Variants in WWOX observed in about 807,000 individuals in gnomAD.
WWOX encodes WW domain-containing oxidoreductase.
WWOX carries 69 observed loss-of-function variants against 46.2 expected under a neutral mutation model. That is an observed-to-expected ratio of 1.49 (90% CI 1.23 to 1.82). WWOX has a LOEUF of 1.82. Among genes scored for constraint, WWOX ranks in the 40% most tolerant of loss-of-function variants. WWOX has a pLI of 0.00. For missense variants in WWOX, 919 were observed against 542.6 expected, an observed-to-expected ratio of 1.69 and a Z score of -6.89; for synonymous variants, 359 against 202.6, an observed-to-expected ratio of 1.77 and a Z score of -6.56.
Position 78,985,329 on chromosome 16 carries a change from G to A in WWOX, c.1057-226279G>A, listed in dbSNP as rs550154667. On this transcript the variant is annotated intron_variant, in intron 8 of 8. Transcript: ENST00000566780. ...GTTCAGCCCGTAAATCTGTGCCACC[G>A]GCACGCAGGGTGTTGTGTTGTCTCC... 5.3e-5 allele frequency among the ~76,000 whole-genome samples: 8 copies of A among 152,304 alleles called. No homozygotes were observed. The South Asian group carries it at 1.2e-3, about 24-fold the overall frequency.
intron 8 of WWOX, among the ~76,000 whole-genome samples, chr16:78,874,684 C>CTTTTTTTTTT (rs552696627): frequency 2.0e-4 from 17 of 83,478 alleles, no homozygotes; most frequent in South Asian, 5.0e-4. Context: ...AGATTTTTTT[C>CTTTTTTTTTT]TTTTTTTTTT....
Position 79,205,367 on chromosome 16 carries a change from G to A in WWOX, c.1057-6241G>A, listed in dbSNP as rs185907760. ...GGGAGAGGCAACTGAAAAGGAGCCT[G>A]AGGTTTTTCTACCTTTGTGAACCTG... On this transcript the variant is annotated intron_variant, in intron 8 of 8. Coordinates refer to ENST00000566780, the MANE Select transcript of WWOX (RefSeq NM_016373.4). 124 of 152,344 alleles carry A rather than the reference G, an allele frequency of 8.1e-4. 1 individual carries two copies. Among genetic ancestry groups the A allele is most frequent in the African/African-American group, 2.9e-3 (121 of 41,576 alleles). 9.4% of individuals were successfully genotyped at this position (152,344 alleles called of 1,614,324 possible).
chr16:78,469,541 A>T (rs1353759503), intron 8 of WWOX, among the ~76,000 whole-genome samples: 1 of 152,182 alleles, frequency 6.6e-6, no homozygotes, highest in Non-Finnish European at 1.5e-5. Context: ...CCCTGGAAGC[A>T]TGTCATGGGG....
At chr16:78,283,333 A>G (rs2079712670) in intron 5 of WWOX, among the ~76,000 whole-genome samples, 1 of 152,106 alleles carries the variant, frequency 6.6e-6, no homozygotes, top group African/African-American at 2.4e-5. Flanking sequence ...CCACACCTCC[A>G]AGTGCAGGTG....
At chr16:78,548,019 G>T (rs1373361478) in intron 8 of WWOX, among the ~76,000 whole-genome samples, 2 of 151,960 alleles carry the variant, frequency 1.3e-5, no homozygotes, top group Admixed American at 1.3e-4. Context: ...GCCGGGTGTG[G>T]TGGTGAATGC....
intron 8 of WWOX, among the ~76,000 whole-genome samples, chr16:78,966,600 G>C (rs140161720): frequency 1.7e-3 from 256 of 151,996 alleles, no homozygotes; most frequent in African/African-American, 5.6e-3. Flanking sequence ...AGTAACATGT[G>C]AATGTTTTGA....
chr16:78,225,874 T>C (rs2037036914), intron 5 of WWOX, among the ~76,000 whole-genome samples: 1 of 152,220 alleles, frequency 6.6e-6, no homozygotes, highest in South Asian at 2.1e-4. Flanking sequence ...TATTCTGTTC[T>C]CTGTTTTTAT....
intron 5 of WWOX, among the ~76,000 whole-genome samples, chr16:78,310,290 C>CT (rs2080214699): frequency 6.6e-6 from 1 of 152,208 alleles, no homozygotes; most frequent in African/African-American, 2.4e-5. Context: ...GAAACGTGTG[C>CT]TTCTGGGCTT....
At chr16:78,861,154 C>G (rs1212849122) in intron 8 of WWOX, among the ~76,000 whole-genome samples, 2 of 152,202 alleles carry the variant, frequency 1.3e-5, no homozygotes, top group African/African-American at 4.8e-5. Flanking sequence ...CCTTTCCTCC[C>G]TCTCTCTCTT....
At chr16:79,075,677 T>G (rs747570235) in intron 8 of WWOX, among the ~76,000 whole-genome samples, 1 of 152,012 alleles carries the variant, frequency 6.6e-6, no homozygotes, top group Admixed American at 6.6e-5. Context: ...CTTAGCCTCC[T>G]GAGTAGCTGG....
intron 8 of WWOX, among the ~76,000 whole-genome samples, chr16:78,779,534 A>C (rs191859504): frequency 9.8e-4 from 150 of 152,312 alleles, no homozygotes; most frequent in African/African-American, 3.5e-3. Flanking sequence ...CACTCTGTCC[A>C]AGGCATTGTG....
At chr16:78,595,945 ACT>A (rs2045479681) in intron 8 of WWOX, among the ~76,000 whole-genome samples, 1 of 152,192 alleles carries the variant, frequency 6.6e-6, no homozygotes, top group Non-Finnish European at 1.5e-5. Context: ...AGAAACCTGA[ACT>A]CAGGAGAGTG....
At chr16:78,355,284 C>T (rs773928747) in intron 5 of WWOX, among the ~76,000 whole-genome samples, 3 of 151,762 alleles carry the variant, frequency 2.0e-5, no homozygotes, top group Non-Finnish European at 2.9e-5. Flanking sequence ...TATACATATA[C>T]GTATATGTAT....
chr16:78,822,986 T>C (rs2051545965), intron 8 of WWOX, among the ~76,000 whole-genome samples: 1 of 152,188 alleles, frequency 6.6e-6, no homozygotes. Context: ...GTTTGTAAAT[T>C]TGTGAATAAA....
chr16:79,212,141 C>G lies in WWOX; in HGVS notation c.*345C>G. The G allele has an allele frequency of 1.3e-6, 2 of 1,520,310 alleles. No individual in the cohort carries two copies. The highest frequency in any genetic ancestry group is 1.8e-6 in the Non-Finnish European group (2 of 1,138,526). 94.2% of individuals were successfully genotyped at this position (1,520,310 alleles called of 1,614,324 possible). On this transcript the variant is annotated 3_prime_UTR_variant, in exon 9 of 9. Transcript: ENST00000566780. The stretch of plus-strand genomic sequence containing the variant: ...CTGTTATAGAATAGCCTGAGGTCCC[C>G]TCGTCCCATCCAGCTACCACCACGG...
chr16:78,474,646 C>G (rs181344223), intron 8 of WWOX, among the ~76,000 whole-genome samples: 2 of 151,592 alleles, frequency 1.3e-5, no homozygotes, highest in East Asian at 1.9e-4. Flanking sequence ...ATGGCTCAGT[C>G]TATTCAGAGT....
At position 78,244,451 on chromosome 16, in the gene WWOX, A is replaced by G. The variant is rs1253149633; in HGVS notation, c.516+80162A>G. On this transcript the variant is annotated intron_variant, in intron 5 of 8. Coordinates refer to ENST00000566780, the MANE Select transcript of WWOX (RefSeq NM_016373.4). ...TGGCAAAAGATCTAAGCTGTGAAGT[A>G]TCTGGAATAGGATTCCACCTTCAGC... Among the ~76,000 whole-genome samples, 5 of 152,244 alleles carry G rather than the reference A, an allele frequency of 3.3e-5. No homozygotes were observed. The East Asian group carries it at 9.6e-4, about 29-fold the overall frequency.
chr16:79,155,267 T>G (rs2050358871), intron 8 of WWOX, among the ~76,000 whole-genome samples: 1 of 152,094 alleles, frequency 6.6e-6, no homozygotes, highest in African/African-American at 2.4e-5. Context: ...TTCCAGCTAC[T>G]CGGGAGGCCG....
At chr16:78,886,301 T>C (rs890651901) in intron 8 of WWOX, among the ~76,000 whole-genome samples, 1 of 151,984 alleles carries the variant, frequency 6.6e-6, no homozygotes, top group Non-Finnish European at 1.5e-5. Context: ...AAAAAGCATT[T>C]ACTTTTTGCC....
Sources: allele counts gnomAD v4.1 joint callset (sites outside exome capture counted in the v4.1 genomes callset), GRCh38; gene constraint gnomAD v4.1.1; transcripts MANE v1.5; gene names NCBI Gene and HGNC (gene_info 2026-07-23, HGNC 2026-07-21).